The following CDH23 variants were observed in gnomAD, a reference collection of about 807,000 sequenced individuals.
CDH23 encodes cadherin related 23, also known as cadherin-23.
In CDH23, 189 loss-of-function variants were observed where a neutral mutation model predicts 317.1. That is an observed-to-expected ratio of 0.60 (90% CI 0.53 to 0.67). The LOEUF (loss-of-function observed/expected upper bound fraction) is 0.67, where lower values mean the gene tolerates loss of function less well. Ranked by LOEUF, CDH23 falls within the 30% of genes least tolerant of loss-of-function variation. The probability of loss-of-function intolerance (pLI) is 0.00; values close to 1 mark genes in which losing one functional copy is unlikely to be tolerated. For missense variants in CDH23, 4,401 were observed against 4,592.4 expected (o/e 0.96, Z 1.20); for synonymous variants, 1,839 against 1,876.8 (o/e 0.98, Z 0.52).
At chr10:71,707,625 G>T (rs1309720911) in intron 26 of CDH23, 17 of 764,232 alleles carry the variant, frequency 2.2e-5, no homozygotes, top group Non-Finnish European at 2.7e-5. Context: ...TGGTAGGATT[G>T]GTAGATGGTG....
chr10:71,743,799 G>T (rs10823838), intron 38 of CDH23, among the ~76,000 whole-genome samples: 75,479 of 152,156 alleles, frequency 0.5, 19,746 homozygotes, highest in Non-Finnish European at 0.59. Context: ...GAGTCATAAA[G>T]AATCAAAATG....
At chr10:71,601,216 A>G (rs1312658778) in intron 9 of CDH23, among the ~76,000 whole-genome samples, 1 of 152,252 alleles carries the variant, frequency 6.6e-6, no homozygotes. Flanking sequence ...GAGAAGGAAT[A>G]TAGGCATTGG....
At chr10:71,466,965 G>A (rs1453489511) in intron 3 of CDH23, among the ~76,000 whole-genome samples, 2 of 152,298 alleles carry the variant, frequency 1.3e-5, no homozygotes, top group East Asian at 3.9e-4. Context: ...GGAATCTAGG[G>A]AGAGCAAAAG....
At chr10:71,537,375 T>C (rs1422411273) in intron 6 of CDH23, among the ~76,000 whole-genome samples, 1 of 152,144 alleles carries the variant, frequency 6.6e-6, no homozygotes, top group Non-Finnish European at 1.5e-5. Context: ...GGGGTAGTCA[T>C]CCCATTTGCA....
intron 53 of CDH23, 50 bp from the exon 54 acceptor site, chr10:71,802,847 AG>A (rs2132977107): frequency 6.2e-7 from 1 of 1,601,590 alleles, no homozygotes; most frequent in African/African-American, 1.3e-5. Context: ...AGGTCCGCTG[AG>A]GCTGCCCCAT....
intron 3 of CDH23, among the ~76,000 whole-genome samples, chr10:71,509,077 G>C (rs931810723): frequency 6.6e-6 from 1 of 152,198 alleles, no homozygotes; most frequent in African/African-American, 2.4e-5. Flanking sequence ...CCTCAGGCCA[G>C]GGCTTTGCTT....
At chr10:71,689,437 C>G (rs1475973044) in intron 19 of CDH23, among the ~76,000 whole-genome samples, 2 of 152,110 alleles carry the variant, frequency 1.3e-5, no homozygotes, top group Non-Finnish European at 2.9e-5. Flanking sequence ...GGGACTGTGT[C>G]AAGGAGAAGC....
Position 71,734,418 on chromosome 10 carries a change from C to T in CDH23, c.4206+77C>T, listed in dbSNP as rs1839496324. On this transcript the variant is annotated intron_variant, in intron 33 of 69. Coordinates refer to ENST00000224721, the MANE Select transcript of CDH23 (RefSeq NM_022124.6). Reference sequence around the variant, plus strand: ...GACACTTCCTAACCCATGTCCTCGCCAGCCACCCAATGTATGGGCCAGGCA... The same window carrying T: ...GACACTTCCTAACCCATGTCCTCGCTAGCCACCCAATGTATGGGCCAGGCA... 4 of 1,505,800 alleles carry T rather than the reference C, an allele frequency of 2.7e-6. No homozygotes were observed. The African/African-American group carries it at 4.1e-5, about 16-fold the overall frequency. The allele number at this position is 1,505,800 out of a possible 1,614,324, so 93.3% of individuals were successfully genotyped here. A position where few individuals can be genotyped will look rare whatever the true frequency, so the allele number is the denominator to read the frequency against.
At chr10:71,528,211 C>A (rs1325732568) in intron 6 of CDH23, among the ~76,000 whole-genome samples, 1 of 152,110 alleles carries the variant, frequency 6.6e-6, no homozygotes, top group Non-Finnish European at 1.5e-5. Context: ...GACAGGGCTA[C>A]TGTGACAAGA....
At chr10:71,809,199 GACTCTC>G (rs1841837225) in intron 60 of CDH23, among the ~76,000 whole-genome samples, 1 of 86,972 alleles carries the variant, frequency 1.1e-5, no homozygotes, top group Non-Finnish European at 2.1e-5. Flanking sequence ...TTTGGTGATA[GACTCTC>G]ACTCTGTTTG....
intron 38 of CDH23, chr10:71,761,010 C>T: frequency 7.3e-7 from 1 of 1,378,190 alleles, no homozygotes; most frequent in Non-Finnish European, 1.0e-6. Context: ...CCCCCTCCTG[C>T]CCCAGGTTCT....
At chr10:71,715,817 G>GT (rs1866192602) in intron 28 of CDH23, 2 of 992,068 alleles carry the variant, frequency 2.0e-6, no homozygotes, top group Admixed American at 3.6e-5. Flanking sequence ...CGGGGGGTGA[G>GT]TGTGTGTCCC....
In CDH23 at chr10:71,511,157, T is replaced by A; in HGVS notation, c.374T>A (p.Val125Glu). The A allele has an allele frequency of 6.2e-7, 1 of 1,613,624 alleles. No homozygotes were observed. Among genetic ancestry groups the A allele is most frequent in the Non-Finnish European group, 8.5e-7 (1 of 1,179,644 alleles). ...TRKVNIQVGD[V>E]NDNAPTFHNQ... ...AAGGTGAACATCCAGGTTGGGGATGTGAATGACAACGCGCCCACATTTCAC... is the reference window on the plus strand; with the variant it reads ...AAGGTGAACATCCAGGTTGGGGATGAGAATGACAACGCGCCCACATTTCAC... Residue 125 changes from valine (V) to glutamate (E), a missense_variant, in exon 6 of 70, where the codon GTG becomes GAG. Physicochemically the swap from Val to Glu is moderately radical, Grantham distance 121. Transcript: ENST00000224721.
At chr10:71,548,341 C>T (rs578212264) in intron 6 of CDH23, among the ~76,000 whole-genome samples, 1 of 152,244 alleles carries the variant, frequency 6.6e-6, no homozygotes, top group African/African-American at 2.4e-5. Context: ...ATCCAGTGGC[C>T]TCAGAGTACA....
At chr10:71,549,347 C>T (rs948309175) in intron 6 of CDH23, among the ~76,000 whole-genome samples, 1 of 152,116 alleles carries the variant, frequency 6.6e-6, no homozygotes, top group Non-Finnish European at 1.5e-5. Flanking sequence ...CCGATTAGCC[C>T]ATATAGGAGG....
intron 62 of CDH23, 132 bp downstream of exon 62, chr10:71,810,701 G>A (rs1486812088): frequency 7.5e-6 from 6 of 797,362 alleles, no homozygotes; most frequent in South Asian, 1.6e-5. Context: ...CCATCTCCCA[G>A]ACTGGGGCAG....
chr10:71,806,052 G>C, intron 56 of CDH23, 55 bp downstream of exon 56: 1 of 1,540,424 alleles, frequency 6.5e-7, no homozygotes, highest in Non-Finnish European at 8.7e-7. Context: ...TTTCTTCTGG[G>C]GGCGGGTCTT....
intron 9 of CDH23, 72 bp from the exon 10 acceptor site, chr10:71,615,432 G>A: frequency 1.0e-6 from 1 of 985,404 alleles, no homozygotes. Context: ...CCAGCTCCAT[G>A]CCCCCCTGCC....
intron 38 of CDH23, chr10:71,761,511 C>T (rs1840383696): frequency 2.9e-6 from 4 of 1,398,114 alleles, no homozygotes; most frequent in Non-Finnish European, 3.8e-6. Context: ...GCCTCACACT[C>T]TGCCCAGCAC....
Sources: allele counts gnomAD v4.1 joint callset (sites outside exome capture counted in the v4.1 genomes callset), GRCh38; gene constraint gnomAD v4.1.1; transcripts MANE v1.5; gene names NCBI Gene and HGNC (gene_info 2026-07-23, HGNC 2026-07-21).